Variants in SCAF4 observed in about 807,000 individuals in gnomAD.
SCAF4 encodes SR-related and CTD-associated factor 4.
Under a neutral mutation model 129.8 loss-of-function variants are expected in SCAF4, and 25 were observed. The observed-to-expected ratio is 0.19, with a 90% CI of 0.14 to 0.27. The LOEUF (loss-of-function observed/expected upper bound fraction) is 0.27. Ranked by LOEUF, SCAF4 falls within the 10% of genes least tolerant of loss-of-function variation. The pLI is 1.00. For missense variants in SCAF4, 1,246 were observed against 1,457.1 expected, an observed-to-expected ratio of 0.86 and a Z score of 2.36; for synonymous variants, 551 against 497.7, an observed-to-expected ratio of 1.11 and a Z score of -1.43.
At chr21:31,709,416 T>C (rs2050747081) in intron 1 of SCAF4, among the ~76,000 whole-genome samples, 1 of 151,360 alleles carries the variant, frequency 6.6e-6, no homozygotes, top group Non-Finnish European at 1.5e-5. Context: ...TCTCTGGTCA[T>C]TAAAAGCTTA....
chr21:31,700,234 AAAT>A (rs200565467), intron 7 of SCAF4, among the ~76,000 whole-genome samples: 3,489 of 149,482 alleles, frequency 0.023, 119 homozygotes, highest in African/African-American at 0.079. Flanking sequence ...TATATATTAA[AAAT>A]AATACCTATA....
At chr21:31,720,501 A>G (rs2051042082) in intron 1 of SCAF4, among the ~76,000 whole-genome samples, 1 of 152,216 alleles carries the variant, frequency 6.6e-6, no homozygotes, top group African/African-American at 2.4e-5. Context: ...TTCTCCCCAC[A>G]TAAATGGTCC....
At position 31,696,109 on chromosome 21, in the gene SCAF4, G is replaced by T. The variant is rs376471988; in HGVS notation, c.1068+4C>A. ...TCTTTGAACTGCAAGAAAAATGCTT[G>T]TACCTGATGGTGCATTGGATCCTGT... On this transcript the variant is annotated splice_donor_region_variant and intron_variant, in intron 9 of 19. Coordinates refer to ENST00000286835, the MANE Select transcript of SCAF4 (RefSeq NM_020706.2). The T allele has an allele frequency of 2.5e-6, 4 of 1,598,110 alleles. No individual in the cohort carries two copies. Among genetic ancestry groups the T allele is most frequent in the African/African-American group, 1.3e-5 (1 of 74,556 alleles).
At chr21:31,684,991 T>TG (rs1175836620) in intron 19 of SCAF4, 58 bp downstream of exon 19, 6 of 426,048 alleles carry the variant, frequency 1.4e-5, no homozygotes, top group African/African-American at 7.9e-5. Context: ...TGGGGATGGG[T>TG]GGGGGGGTGG....
intron 5 of SCAF4, 82 bp downstream of exon 5, chr21:31,702,162 C>A: frequency 6.4e-7 from 1 of 1,553,120 alleles, no homozygotes; most frequent in Non-Finnish European, 8.8e-7. Context: ...TAGAAAAATT[C>A]CTTCAATACA....
At chr21:31,720,852 G>A (rs2051049210) in intron 1 of SCAF4, among the ~76,000 whole-genome samples, 1 of 152,090 alleles carries the variant, frequency 6.6e-6, no homozygotes, top group Non-Finnish European at 1.5e-5. Context: ...CTTAGGATTC[G>A]GGATCAACAA....
chr21:31,720,532 T>C (rs1250234654), intron 1 of SCAF4, among the ~76,000 whole-genome samples: 1 of 152,182 alleles, frequency 6.6e-6, no homozygotes, highest in Non-Finnish European at 1.5e-5. Context: ...GACTCACTGC[T>C]CAAAAACTTC....
At chr21:31,724,665 C>T (rs947722089) in intron 1 of SCAF4, among the ~76,000 whole-genome samples, 1 of 152,136 alleles carries the variant, frequency 6.6e-6, no homozygotes, top group South Asian at 2.1e-4. Context: ...TATATTTGTT[C>T]GTGCCCCATG....
rs200114673 is a variant in SCAF4, at chr21:31,702,296, T to A, written c.405A>T (p.Ala135=). The part of the protein sequence containing the change: ...IEIIQPLLDM[A]AGTSNAAPVA... ...CTGGGGCTGCATTACTGGTTCCCGC[T>A]GCCATGTCCAAAAGAGGTTGAATAA... The change falls in exon 5 of 20, where the codon GCA becomes GCT. Residue 135 remains alanine (A), a synonymous_variant. Coordinates refer to ENST00000286835, the MANE Select transcript of SCAF4 (RefSeq NM_020706.2). 1 of 1,614,176 alleles carries A rather than the reference T, an allele frequency of 6.2e-7. No individual in the cohort carries two copies. The highest frequency in any genetic ancestry group is 2.2e-5 in the East Asian group (1 of 44,870).
At chr21:31,689,234 T>C (rs1254316631) in intron 15 of SCAF4, among the ~76,000 whole-genome samples, 2 of 152,018 alleles carry the variant, frequency 1.3e-5, no homozygotes, top group African/African-American at 4.8e-5. Context: ...GATGTGGGAA[T>C]AGTACAGCAT....
Position 31,696,551 on chromosome 21 carries a change from A to AT in SCAF4, c.959+17dup, listed in dbSNP as rs753039629. The AT allele has an allele frequency of 5.8e-6, 9 of 1,560,448 alleles. No individual in the cohort carries two copies. Among genetic ancestry groups the AT allele is most frequent in the Non-Finnish European group, 7.0e-6 (8 of 1,148,916 alleles). On this transcript the variant is annotated intron_variant, in intron 8 of 19. Transcript: ENST00000286835. The stretch of plus-strand genomic sequence containing the variant: ...TTACCAATTTTCTATCTGCTGAGGA[A>AT]TAAAAAAAAAAACTAACAATGGTGC...
At chr21:31,698,998 T>C (rs970891274) in intron 7 of SCAF4, among the ~76,000 whole-genome samples, 1 of 151,938 alleles carries the variant, frequency 6.6e-6, no homozygotes, top group Admixed American at 6.6e-5. Flanking sequence ...TCATGATAAA[T>C]GAACAAAGTT....
In SCAF4 at chr21:31,671,710, C is replaced by G. The variant is rs2049701547; in HGVS notation, c.3133G>C (p.Asp1045His). The G allele has an allele frequency of 6.2e-7, 1 of 1,614,042 alleles. No homozygotes were observed. The highest frequency in any genetic ancestry group is 1.7e-5 in the Admixed American group (1 of 60,008). ...GAGCGTCTATTTCTCTCTTCCAAGT[C>G]TCTGTGCCTGTCCCGGTCAGGGCTC... ...RRSPDRDRHR[D>H]LEERNRRSSG... Residue 1045 changes from aspartate to histidine, a missense_variant, in exon 20 of 20, where the codon GAC (aspartate) becomes CAC (histidine). Transcript: ENST00000286835.
intron 5 of SCAF4, 108 bp from the exon 6 acceptor site, chr21:31,702,026 A>T: frequency 1.4e-6 from 2 of 1,392,678 alleles, no homozygotes; most frequent in Non-Finnish European, 2.0e-6. Context: ...CAAAGTATAA[A>T]ATATAGAGAT....
chr21:31,716,900 T>TGA (rs765838282), intron 1 of SCAF4, among the ~76,000 whole-genome samples: 16 of 152,158 alleles, frequency 1.1e-4, no homozygotes, highest in Non-Finnish European at 2.2e-4. Context: ...ATACTGTGTA[T>TGA]GAGTTAATCA....
intron 1 of SCAF4, among the ~76,000 whole-genome samples, chr21:31,722,754 A>C (rs1177505313): frequency 6.6e-6 from 1 of 151,880 alleles, no homozygotes; most frequent in Non-Finnish European, 1.5e-5. Context: ...CAAGTTCAGG[A>C]CCAGCCTGGC....
chr21:31,694,914 T>C lies in SCAF4; in HGVS notation c.1135A>G (p.Met379Val), dbSNP rs775068471. Residue 379 changes from methionine (M) to valine (V), a missense_variant, in exon 10 of 20, where the codon ATG becomes GTG. Coordinates refer to ENST00000286835, the MANE Select transcript of SCAF4 (RefSeq NM_020706.2). ...GLLPTPPFPP[M>V]AQPVIPPTPP... ...GTTGGAGGAATCACAGGCTGAGCCA[T>C]GGGAGGAAATGGAGGTGTAGGAAGA... The C allele has an allele frequency of 8.7e-6, 14 of 1,613,966 alleles. No individual in the cohort carries two copies. Among genetic ancestry groups the C allele is most frequent in the Admixed American group, 8.3e-5 (5 of 59,996 alleles).
intron 1 of SCAF4, among the ~76,000 whole-genome samples, chr21:31,723,631 C>CGT (rs1308069119): frequency 3.5e-5 from 3 of 85,444 alleles, no homozygotes; most frequent in Non-Finnish European, 8.1e-5. Flanking sequence ...TGTGTGTGTG[C>CGT]GCGCGCGCGC....
chr21:31,696,676 G>A lies in SCAF4; in HGVS notation c.852C>T (p.Ala284=), dbSNP rs775130360. 1.3e-5 allele frequency: 21 copies of A among 1,613,708 alleles called. No individual in the cohort carries two copies. Among genetic ancestry groups the A allele is most frequent in the African/African-American group, 2.7e-5 (2 of 74,912 alleles). The change falls in exon 8 of 20, where the codon GCC becomes GCT. Residue 284 remains alanine (A), a synonymous_variant. Transcript: ENST00000286835. ...CGGCAGCAGGTGCTGTCGTGGTGAC[G>A]GCAGTGGTATCCTCTTTCTTTGATT... is the stretch of plus-strand genomic sequence containing the variant. ...VEESKKEDTT[A]VTTTAPAAAV...
Sources: allele counts gnomAD v4.1 joint callset (sites outside exome capture counted in the v4.1 genomes callset), GRCh38; gene constraint gnomAD v4.1.1; transcripts MANE v1.5; gene names NCBI Gene and HGNC (gene_info 2026-07-23, HGNC 2026-07-21).